KIAA1217: variants seen among roughly 807,000 people sequenced by gnomAD.
KIAA1217 encodes the protein KIAA1217, also known as sickle tail protein homolog.
A neutral mutation model predicts 163.9 loss-of-function variants in KIAA1217; 88 were observed. The observed-to-expected ratio is 0.54, with a 90% CI of 0.45 to 0.64. The LOEUF (loss-of-function observed/expected upper bound fraction) is 0.64. KIAA1217 is among the 30% of genes least tolerant of loss of function. KIAA1217 has a pLI of 0.00. For synonymous variants in KIAA1217, 903 were observed against 923.1 expected (o/e 0.98, Z 0.39); for missense variants, 2,372 against 2,475.0 (o/e 0.96, Z 0.88).
chr10:24,047,464 A>G (rs1206066526), intron 2 of KIAA1217, among the ~76,000 whole-genome samples: 1 of 152,306 alleles, frequency 6.6e-6, no homozygotes, highest in East Asian at 1.9e-4. Context: ...GACTTAGTTA[A>G]TGTGTGTCCA....
At chr10:23,977,220 A>T (rs1334340685) in intron 1 of KIAA1217, among the ~76,000 whole-genome samples, 3 of 152,220 alleles carry the variant, frequency 2.0e-5, no homozygotes, top group Non-Finnish European at 4.4e-5. Flanking sequence ...AGTTATTTCA[A>T]ACTTTGTCAA....
chr10:23,841,646 T>G (rs1411548338), intron 1 of KIAA1217, among the ~76,000 whole-genome samples: 1 of 151,984 alleles, frequency 6.6e-6, no homozygotes, highest in Non-Finnish European at 1.5e-5. Context: ...AAATAATAGC[T>G]TCTGTTTATT....
chr10:24,219,965 G>T, intron 2 of KIAA1217, 56 bp downstream of exon 2: 1 of 1,489,902 alleles, frequency 6.7e-7, no homozygotes, highest in Non-Finnish European at 9.0e-7. Flanking sequence ...GAACATCGAG[G>T]AAAGCAAACT....
chr10:23,753,478 C>T (rs992583172), intron 1 of KIAA1217, among the ~76,000 whole-genome samples: 7 of 152,148 alleles, frequency 4.6e-5, no homozygotes, highest in South Asian at 2.1e-4. Flanking sequence ...TTAGTTGAAG[C>T]TGTAACTGTA....
intron 2 of KIAA1217, among the ~76,000 whole-genome samples, chr10:24,032,484 T>G (rs1377793020): frequency 6.6e-6 from 1 of 152,144 alleles, no homozygotes; most frequent in African/African-American, 2.4e-5. Flanking sequence ...GAGGCCCAAG[T>G]GATCCACCTC....
intron 1 of KIAA1217, among the ~76,000 whole-genome samples, chr10:23,972,954 T>C (rs1421818474): frequency 6.6e-6 from 1 of 151,946 alleles, no homozygotes; most frequent in Non-Finnish European, 1.5e-5. Flanking sequence ...CTGGGGCCTG[T>C]TGGGGTTTGG....
intron 1 of KIAA1217, among the ~76,000 whole-genome samples, chr10:23,861,491 A>G (rs577883887): frequency 2.6e-5 from 4 of 152,302 alleles, no homozygotes; most frequent in East Asian, 3.9e-4. Flanking sequence ...TTAGGGTCAC[A>G]TGCTTTAAAA....
intron 1 of KIAA1217, among the ~76,000 whole-genome samples, chr10:23,735,493 G>A (rs1278897410): frequency 1.3e-5 from 2 of 151,982 alleles, no homozygotes; most frequent in Non-Finnish European, 2.9e-5. Context: ...AAGTAAAATA[G>A]TATAGTATTT....
intron 2 of KIAA1217, among the ~76,000 whole-genome samples, chr10:24,048,759 G>A (rs565922843): frequency 4.8e-5 from 7 of 147,282 alleles, no homozygotes; most frequent in East Asian, 2.0e-4. Flanking sequence ...TTGGCCGGGC[G>A]CAGTGGCTCA....
At chr10:24,436,303 G>A (rs2060014614) in intron 4 of KIAA1217, among the ~76,000 whole-genome samples, 1 of 152,130 alleles carries the variant, frequency 6.6e-6, no homozygotes, top group Non-Finnish European at 1.5e-5. Context: ...TTCAAATGTA[G>A]ACAATGTTTT....
At chr10:24,338,150 G>A (rs1275017976) in intron 2 of KIAA1217, among the ~76,000 whole-genome samples, 1 of 152,174 alleles carries the variant, frequency 6.6e-6, no homozygotes, top group African/African-American at 2.4e-5. Flanking sequence ...CAGAAGTTCT[G>A]AGTAGTTTAT....
chr10:23,833,460 A>T (rs1439240680), intron 1 of KIAA1217, among the ~76,000 whole-genome samples: 1 of 150,536 alleles, frequency 6.6e-6, no homozygotes, highest in African/African-American at 2.4e-5. Context: ...TCTAGGCTGG[A>T]TGACAGAGTG....
chr10:24,244,265 G>A (rs1023397534), intron 2 of KIAA1217, among the ~76,000 whole-genome samples: 6 of 152,172 alleles, frequency 3.9e-5, no homozygotes, highest in Admixed American at 6.5e-5. Context: ...GCTGGCTACC[G>A]GGGAGGTAGA....
chr10:24,244,561 C>CTTTTTTTTTTTTTT (rs11318420), intron 2 of KIAA1217, among the ~76,000 whole-genome samples: 11 of 85,268 alleles, frequency 1.3e-4, no homozygotes, highest in East Asian at 2.9e-4. Context: ...TTCTTTCTTT[C>CTTTTTTTTTTTTTT]TTTTTTTTTT....
intron 6 of KIAA1217, among the ~76,000 whole-genome samples, chr10:24,487,427 G>C (rs542623888): frequency 4.1e-4 from 62 of 152,332 alleles, no homozygotes; most frequent in Middle Eastern, 3.4e-3. Flanking sequence ...AAATTGACAT[G>C]ATAATCAATC....
chr10:23,791,096 G>GA (rs945161044), intron 1 of KIAA1217, among the ~76,000 whole-genome samples: 2 of 151,948 alleles, frequency 1.3e-5, no homozygotes, highest in African/African-American at 4.8e-5. Flanking sequence ...AAAATGAGGG[G>GA]AAAAAAGACT....
intron 6 of KIAA1217, among the ~76,000 whole-genome samples, chr10:24,475,045 T>A (rs1281498955): frequency 6.6e-6 from 1 of 151,966 alleles, no homozygotes; most frequent in African/African-American, 2.4e-5. Flanking sequence ...ATGGTGAAAA[T>A]CCATCTCTAT....
intron 2 of KIAA1217, among the ~76,000 whole-genome samples, chr10:24,134,156 G>T (rs1215866871): frequency 6.6e-6 from 1 of 152,238 alleles, no homozygotes; most frequent in Non-Finnish European, 1.5e-5. Flanking sequence ...TCATGGAGAT[G>T]AAGGTGTATG....
chr10:24,336,366 C>T (rs2046359418), intron 2 of KIAA1217, among the ~76,000 whole-genome samples: 1 of 152,206 alleles, frequency 6.6e-6, no homozygotes, highest in South Asian at 2.1e-4. Context: ...ATTTTTCCTA[C>T]TTTTTAGTTT....
Sources: allele counts gnomAD v4.1 joint callset (sites outside exome capture counted in the v4.1 genomes callset), GRCh38; gene constraint gnomAD v4.1.1; transcripts MANE v1.5; gene names NCBI Gene and HGNC (gene_info 2026-07-23, HGNC 2026-07-21).